Variants in DPP8 observed in about 807,000 individuals in gnomAD.
The protein encoded by DPP8 is DPP VIII.
In DPP8, 31 loss-of-function variants were observed where a neutral mutation model predicts 107.5. The ratio of observed to expected loss-of-function variants is 0.29; its 90% CI spans 0.22 to 0.39. The LOEUF is 0.39. Ranked by LOEUF, DPP8 falls within the 10% of genes least tolerant of loss-of-function variation. DPP8 has a pLI of 1.00. For missense variants in DPP8, 842 were observed against 1,076.1 expected (o/e 0.78, Z 3.04); for synonymous variants, 381 against 356.6 (o/e 1.07, Z -0.77).
In DPP8 at chr15:65,507,359, T is replaced by C. The variant is rs748671758; in HGVS notation, c.260-4A>G. ...TCTCTGTTCTCACCAGACATGGCTA[T>C]AGGAGAAAGCAATCATTTATTATTA... On this transcript the variant is annotated splice_polypyrimidine_tract_variant and splice_region_variant and intron_variant, in intron 2 of 19. Transcript: ENST00000300141. 5.2e-6 allele frequency: 8 copies of C among 1,535,784 alleles called. No individual in the cohort carries two copies. The highest frequency in any genetic ancestry group is 4.5e-5 in the East Asian group (2 of 44,270).
intron 1 of DPP8, among the ~76,000 whole-genome samples, chr15:65,514,910 A>C (rs554284978): frequency 6.6e-6 from 1 of 152,330 alleles, no homozygotes; most frequent in South Asian, 2.1e-4. Flanking sequence ...TTACGTTTGG[A>C]AGTTCACCTG....
At chr15:65,511,769 C>T (rs1350178744) in intron 2 of DPP8, among the ~76,000 whole-genome samples, 4 of 150,934 alleles carry the variant, frequency 2.7e-5, no homozygotes, top group Non-Finnish European at 4.4e-5. Flanking sequence ...CACACATTCA[C>T]ATAAACGAAT....
intron 5 of DPP8, among the ~76,000 whole-genome samples, chr15:65,496,363 A>AT (rs1223438681): frequency 7.0e-6 from 1 of 142,736 alleles, no homozygotes; most frequent in Non-Finnish European, 1.5e-5. Context: ...CTTTGTGAAC[A>AT]TAAGATTAAG....
At chr15:65,498,239 T>C (rs562634571) in intron 4 of DPP8, among the ~76,000 whole-genome samples, 4 of 152,048 alleles carry the variant, frequency 2.6e-5, no homozygotes, top group Non-Finnish European at 2.9e-5. Context: ...CTGACCAACA[T>C]AGTGAAACCC....
chr15:65,498,173 G>C (rs774213386), intron 4 of DPP8, 141 bp from the exon 5 acceptor site: 1 of 557,510 alleles, frequency 1.8e-6, no homozygotes, highest in Non-Finnish European at 2.8e-6. Context: ...TGTAATCCCA[G>C]CACTTCGGGA....
At chr15:65,471,256 A>G (rs2065869217) in intron 12 of DPP8, among the ~76,000 whole-genome samples, 1 of 152,190 alleles carries the variant, frequency 6.6e-6, no homozygotes, top group Admixed American at 6.6e-5. Context: ...AATAAAACAG[A>G]AAAAAATTAT....
intron 19 of DPP8, among the ~76,000 whole-genome samples, chr15:65,449,976 T>A (rs113918700): frequency 0.091 from 9,623 of 106,094 alleles, 316 homozygotes; most frequent in East Asian, 0.21. Flanking sequence ...TTATTATTAT[T>A]TTTTTTTTGA....
At position 65,512,584 on chromosome 15, in the gene DPP8, G is replaced by A. The variant is rs1423506529; in HGVS notation, c.-11-20C>T. The A allele has an allele frequency of 6.2e-7, 1 of 1,613,482 alleles. No individual in the cohort carries two copies. The highest frequency in any genetic ancestry group is 1.7e-5 in the Admixed American group (1 of 59,958). ...ATTTTCCTAGAAAAACAAGGCACATGAAGCTGTTCACGGGTCTATCTTCTA... is the reference window on the plus strand; with the variant it reads ...ATTTTCCTAGAAAAACAAGGCACATAAAGCTGTTCACGGGTCTATCTTCTA... On this transcript the variant is annotated intron_variant, in intron 1 of 19. Transcript: ENST00000300141.
chr15:65,445,704 G>GA lies in DPP8; in HGVS notation c.*1179dup, dbSNP rs71901540. 0.077 allele frequency: 11,226 copies of GA among 144,934 alleles called. 416 individuals carry two copies. The highest frequency in any genetic ancestry group is 0.11 in the Middle Eastern group (33 of 288). 9.0% of individuals were successfully genotyped at this position (144,934 alleles called of 1,614,324 possible). A position where few individuals can be genotyped will look rare whatever the true frequency, so the allele number is the denominator to read the frequency against. Reference sequence around the variant, plus strand: ...TTTGTAAGATTTCTAAACCTAAGAGGAAAAAAAAAAAGAATTATAAAAGTA... The same window carrying GA: ...TTTGTAAGATTTCTAAACCTAAGAGGAAAAAAAAAAAAGAATTATAAAAGTA... On this transcript the variant is annotated 3_prime_UTR_variant, in exon 20 of 20. Transcript: ENST00000300141.
chr15:65,498,376 C>T (rs894534868), intron 4 of DPP8, among the ~76,000 whole-genome samples: 8 of 151,342 alleles, frequency 5.3e-5, no homozygotes, highest in Admixed American at 1.3e-4. Flanking sequence ...GAGCCAAGAT[C>T]GTGCCACTGC....
intron 15 of DPP8, among the ~76,000 whole-genome samples, chr15:65,457,292 G>A (rs1431507250): frequency 6.6e-6 from 1 of 152,114 alleles, no homozygotes; most frequent in African/African-American, 2.4e-5. Flanking sequence ...AGGCAGAGAG[G>A]TTGCAGTGAG....
At chr15:65,497,828 T>C (rs780400554) in intron 5 of DPP8, 36 bp downstream of exon 5, 12 of 1,384,882 alleles carry the variant, frequency 8.7e-6, no homozygotes, top group African/African-American at 4.3e-5. Context: ...CAAAAAATAC[T>C]GTTCAGAAAA....
At chr15:65,458,848 T>C (rs950205921) in intron 15 of DPP8, 2 of 152,130 alleles carry the variant, frequency 1.3e-5, no homozygotes, top group Admixed American at 1.3e-4. Context: ...TTTACAATGT[T>C]ATTATGTGCT....
At chr15:65,481,146 C>T (rs1429109800) in intron 9 of DPP8, among the ~76,000 whole-genome samples, 5 of 152,104 alleles carry the variant, frequency 3.3e-5, no homozygotes, top group Non-Finnish European at 7.4e-5. Flanking sequence ...TGTGAAACTC[C>T]TGTTGTCTAC....
At position 65,512,399 on chromosome 15, in the gene DPP8, G is replaced by T. The variant is rs536195569; in HGVS notation, c.155C>A (p.Thr52Asn). 13 of 1,613,886 alleles carry T rather than the reference G, an allele frequency of 8.1e-6. No individual in the cohort carries two copies. Among genetic ancestry groups the T allele is most frequent in the Non-Finnish European group, 1.1e-5 (13 of 1,180,012 alleles). ...CATCATGTAGCCATGATATTTTCTG[G>T]TATCGGCAAGCAGCTTTTTAAGCTG... The part of the protein sequence containing the change: ...WSQLKKLLAD[T>N]RKYHGYMMAK... Residue 52 changes from threonine to asparagine, a missense_variant, in exon 2 of 20, where the codon ACC (threonine) becomes AAC (asparagine). By Grantham distance (65) the Thr-to-Asn change is moderately conservative. Coordinates refer to ENST00000300141, the MANE Select transcript of DPP8 (RefSeq NM_130434.5).
chr15:65,494,554 T>C (rs2068380296), intron 5 of DPP8, among the ~76,000 whole-genome samples: 1 of 146,734 alleles, frequency 6.8e-6, no homozygotes, highest in Non-Finnish European at 1.5e-5. Context: ...ACACCTGTTG[T>C]CTCAGCTATT....
chr15:65,458,045 C>G (rs2140400087), intron 15 of DPP8, among the ~76,000 whole-genome samples: 1 of 152,310 alleles, frequency 6.6e-6, no homozygotes, highest in South Asian at 2.1e-4. Context: ...AGAAAATCAC[C>G]TCACTTCTTT....
chr15:65,504,647 G>A (rs1427747023), intron 3 of DPP8, among the ~76,000 whole-genome samples: 1 of 121,224 alleles, frequency 8.2e-6, no homozygotes, highest in Non-Finnish European at 1.6e-5. Flanking sequence ...CCAGCCTGGC[G>A]ACAGAGCAAG....
At chr15:65,469,184 A>G (rs1355452738) in intron 12 of DPP8, among the ~76,000 whole-genome samples, 2 of 151,536 alleles carry the variant, frequency 1.3e-5, no homozygotes, top group African/African-American at 2.4e-5. Flanking sequence ...CATGTTGGCC[A>G]GGCTGGTCTC....
Sources: gnomAD v4.1 joint callset for allele counts (sites outside exome capture counted in the v4.1 genomes callset) on GRCh38, gnomAD v4.1.1 for gene constraint, MANE v1.5 for transcripts, NCBI Gene and HGNC (gene_info 2026-07-23, HGNC 2026-07-21) for gene names.